ELP4: variants seen among roughly 807,000 people sequenced by gnomAD.
ELP4 encodes elongator acetyltransferase complex subunit 4, also known as elongator complex protein 4.
A neutral mutation model predicts 48.9 loss-of-function variants in ELP4; 51 were observed. The ratio of observed to expected loss-of-function variants is 1.04; its 90% CI spans 0.83 to 1.32. The LOEUF (loss-of-function observed/expected upper bound fraction) is 1.32. ELP4 is among the 40% of genes most tolerant of loss of function. The probability of loss-of-function intolerance (pLI) is 0.00; values close to 1 mark genes in which losing one functional copy is unlikely to be tolerated. For missense variants in ELP4, 519 were observed against 514.6 expected, an observed-to-expected ratio of 1.01 and a Z score of -0.08; for synonymous variants, 210 against 189.2, an observed-to-expected ratio of 1.11 and a Z score of -0.90.
In ELP4 at chr11:31,736,982, A is replaced by T. The variant is rs952943526; in HGVS notation, c.1144-46411A>T. On this transcript the variant is annotated intron_variant, in intron 9 of 9. Transcript: ENST00000640961. ...CCATTACTGGGTATATACCTAAAGG[A>T]TTACAAAGCATGCTGCTATAAAGAC... Among the ~76,000 whole-genome samples the T allele has an allele frequency of 9.9e-5, 15 of 152,248 alleles. 1 individual carries two copies. Among genetic ancestry groups the T allele is most frequent in the Non-Finnish European group, 1.9e-4 (13 of 68,046 alleles).
At chr11:31,614,135 G>A (rs1299266289) in intron 5 of ELP4, among the ~76,000 whole-genome samples, 1 of 152,078 alleles carries the variant, frequency 6.6e-6, no homozygotes, top group Non-Finnish European at 1.5e-5. Context: ...TAGAGTTAAA[G>A]AGATAAATAT....
intron 5 of ELP4, among the ~76,000 whole-genome samples, chr11:31,619,334 T>A (rs1944565647): frequency 6.6e-6 from 1 of 151,968 alleles, no homozygotes; most frequent in South Asian, 2.1e-4. Flanking sequence ...AGAGTATATA[T>A]TTGGCTACAC....
chr11:31,631,816 A>G (rs1479055990), intron 6 of ELP4, among the ~76,000 whole-genome samples: 4 of 152,164 alleles, frequency 2.6e-5, no homozygotes, highest in African/African-American at 9.6e-5. Flanking sequence ...TAAATGAGAA[A>G]TATTGAACAA....
chr11:31,712,603 T>C (rs1946764606), intron 9 of ELP4, among the ~76,000 whole-genome samples: 1 of 152,146 alleles, frequency 6.6e-6, no homozygotes, highest in Non-Finnish European at 1.5e-5. Context: ...CATACTATTC[T>C]AGTGATGTCA....
intron 9 of ELP4, among the ~76,000 whole-genome samples, chr11:31,778,586 A>G (rs1948297528): frequency 6.6e-6 from 1 of 152,182 alleles, no homozygotes; most frequent in Non-Finnish European, 1.5e-5. Context: ...TTGATAGTTC[A>G]CAAAACACTT....
rs1267226286 is a variant in ELP4 at position 31,509,778 on chromosome 11, C to A, written c.-7C>A. 4 of 1,613,782 alleles carry A rather than the reference C, an allele frequency of 2.5e-6. No homozygotes were observed. The highest frequency in any genetic ancestry group is 3.4e-6 in the Non-Finnish European group (4 of 1,179,912). On this transcript the variant is annotated 5_prime_UTR_variant, in exon 1 of 10. Coordinates refer to ENST00000640961, the MANE Select transcript of ELP4 (RefSeq NM_019040.5). ...GTTCCTATTGGGTTAACACTGGAGGCTCTAAGATGGCGGCAGTGGCAACCT... is the reference window on the plus strand; with the variant it reads ...GTTCCTATTGGGTTAACACTGGAGGATCTAAGATGGCGGCAGTGGCAACCT...
chr11:31,732,107 G>C (rs1947202785), intron 9 of ELP4, among the ~76,000 whole-genome samples: 1 of 152,086 alleles, frequency 6.6e-6, no homozygotes, highest in African/African-American at 2.4e-5. Flanking sequence ...CACGAACAGG[G>C]AAGTATAAAG....
chr11:31,737,106 G>A (rs1332525613), intron 9 of ELP4, among the ~76,000 whole-genome samples: 2 of 152,180 alleles, frequency 1.3e-5, no homozygotes, highest in African/African-American at 4.8e-5. Context: ...AGAAAATGTG[G>A]CACATATACA....
At chr11:31,727,316 A>G (rs1947096228) in intron 9 of ELP4, among the ~76,000 whole-genome samples, 1 of 152,160 alleles carries the variant, frequency 6.6e-6, no homozygotes, top group African/African-American at 2.4e-5. Flanking sequence ...TTTTTTATAC[A>G]TAAAAGAATT....
At chr11:31,734,628 A>G (rs908986697) in intron 9 of ELP4, among the ~76,000 whole-genome samples, 3 of 152,228 alleles carry the variant, frequency 2.0e-5, no homozygotes, top group Non-Finnish European at 4.4e-5. Flanking sequence ...ATAAACATGA[A>G]TAAAATACTT....
At chr11:31,625,752 G>A (rs576628398) in intron 5 of ELP4, among the ~76,000 whole-genome samples, 1 of 151,930 alleles carries the variant, frequency 6.6e-6, no homozygotes, top group African/African-American at 2.4e-5. Flanking sequence ...CTTGTGCAAA[G>A]CAGATTGATC....
intron 9 of ELP4, among the ~76,000 whole-genome samples, chr11:31,773,855 C>G (rs1256452137): frequency 6.6e-6 from 1 of 152,150 alleles, no homozygotes; most frequent in Non-Finnish European, 1.5e-5. Context: ...GCACCCATTC[C>G]CCTTGTTCAT....
At chr11:31,650,083 A>T (rs894404363) in intron 8 of ELP4, 32 bp from the exon 9 acceptor site, 2 of 913,274 alleles carry the variant, frequency 2.2e-6, no homozygotes, top group Middle Eastern at 2.2e-4. Flanking sequence ...CAATGTTTTA[A>T]ATTTTTTTTC....
chr11:31,674,602 G>C (rs1162355485), intron 9 of ELP4, among the ~76,000 whole-genome samples: 2 of 152,194 alleles, frequency 1.3e-5, no homozygotes, highest in Non-Finnish European at 2.9e-5. Flanking sequence ...ATAAAACTGT[G>C]AAAAGAGTTA....
chr11:31,665,047 A>C (rs566451693), intron 9 of ELP4, among the ~76,000 whole-genome samples: 1 of 152,202 alleles, frequency 6.6e-6, no homozygotes, highest in South Asian at 2.1e-4. Context: ...GCCTCTGTAT[A>C]CCTTTTTGAC....
intron 9 of ELP4, among the ~76,000 whole-genome samples, chr11:31,780,463 T>C (rs1173966697): frequency 6.6e-6 from 1 of 152,200 alleles, no homozygotes; most frequent in Non-Finnish European, 1.5e-5. Flanking sequence ...TAGATTCACA[T>C]ATTTCCAAGA....
chr11:31,728,051 CA>C (rs1278708953), intron 9 of ELP4, among the ~76,000 whole-genome samples: 9 of 151,528 alleles, frequency 5.9e-5, no homozygotes, highest in Non-Finnish European at 1.2e-4. Flanking sequence ...TATTACTTCC[CA>C]AAAAAAGCAT....
At chr11:31,577,041 A>G (rs775344198) in intron 3 of ELP4, among the ~76,000 whole-genome samples, 1 of 152,120 alleles carries the variant, frequency 6.6e-6, no homozygotes, top group Non-Finnish European at 1.5e-5. Flanking sequence ...TTGATAAGCC[A>G]CTAGCAAGAC....
chr11:31,787,348 C>T lies in ELP4; in HGVS notation c.*3824C>T, dbSNP rs1407029700. ...CCGCTCCCACGTCACTCCTTTTCTC[C>T]CATTCCCACCTCTTGCACCTGGCGT... On this transcript the variant is annotated 3_prime_UTR_variant, in exon 10 of 10. Transcript: ENST00000640961. The T allele has an allele frequency of 3.0e-5, 7 of 233,424 alleles. No homozygotes were observed. The highest frequency in any genetic ancestry group is 1.7e-4 in the Admixed American group (3 of 17,786). The allele number at this position is 233,424 out of a possible 1,614,324, so 14.5% of individuals were successfully genotyped here.
Sources: allele counts gnomAD v4.1 joint callset (sites outside exome capture counted in the v4.1 genomes callset), GRCh38; gene constraint gnomAD v4.1.1; transcripts MANE v1.5; gene names NCBI Gene and HGNC (gene_info 2026-07-23, HGNC 2026-07-21).